ADD3: variants seen among roughly 807,000 people sequenced by gnomAD.
ADD3 encodes the protein adducin 3.
ADD3 carries 25 observed loss-of-function variants against 80.2 expected under a neutral mutation model. That is an observed-to-expected ratio of 0.31 (90% confidence interval 0.23 to 0.44). The LOEUF (loss-of-function observed/expected upper bound fraction) is 0.44, where lower values mean the gene tolerates loss of function less well. ADD3 is among the 20% of genes least tolerant of loss of function. ADD3 has a pLI of 1.00. For synonymous variants in ADD3, 284 were observed against 289.6 expected (o/e 0.98, Z 0.20); for missense variants, 829 against 847.5 (o/e 0.98, Z 0.27).
upstream of ADD3, among the ~76,000 whole-genome samples, chr10:110,004,275 C>T (rs1753334042): frequency 1.3e-5 from 2 of 151,564 alleles, no homozygotes; most frequent in Non-Finnish European, 2.9e-5. Flanking sequence ...TGGCTCACGC[C>T]TGTAATCCCA....
chr10:110,066,065 A>G (rs905827387), intron 1 of ADD3, among the ~76,000 whole-genome samples: 1 of 152,058 alleles, frequency 6.6e-6, no homozygotes, highest in Non-Finnish European at 1.5e-5. Context: ...ACTTAATTTA[A>G]GGGTCTTGAA....
chr10:110,080,345 T>G (rs1404434078), intron 1 of ADD3, among the ~76,000 whole-genome samples: 1 of 152,186 alleles, frequency 6.6e-6, no homozygotes, highest in Non-Finnish European at 1.5e-5. Context: ...TATGTAGTAT[T>G]TTTGTTGGAA....
At chr10:110,039,116 T>G (rs990325373) in intron 1 of ADD3, among the ~76,000 whole-genome samples, 1 of 152,194 alleles carries the variant, frequency 6.6e-6, no homozygotes, top group African/African-American at 2.4e-5. Flanking sequence ...CGACTTATAT[T>G]TAAGCCCACT....
intron 1 of ADD3, among the ~76,000 whole-genome samples, chr10:110,018,728 C>T (rs1245648335): frequency 6.6e-6 from 1 of 152,042 alleles, no homozygotes; most frequent in East Asian, 1.9e-4. Flanking sequence ...TAGTGGTTCA[C>T]AATATCTTGC....
chr10:110,089,805 G>A (rs189925034), intron 1 of ADD3, among the ~76,000 whole-genome samples: 51 of 152,044 alleles, frequency 3.4e-4, no homozygotes, highest in Non-Finnish European at 2.1e-4. Flanking sequence ...TCAAGTTAAT[G>A]TTAGATAATG....
At chr10:110,105,193 A>C (rs1849270717) in intron 2 of ADD3, among the ~76,000 whole-genome samples, 2 of 152,154 alleles carry the variant, frequency 1.3e-5, no homozygotes, top group African/African-American at 2.4e-5. Context: ...AATTTTTTAA[A>C]ATAAAATATT....
At chr10:110,119,147 A>G (rs920218365) in intron 6 of ADD3, 64 bp from the exon 7 acceptor site, 25 of 1,563,710 alleles carry the variant, frequency 1.6e-5, no homozygotes, top group Middle Eastern at 1.7e-4. Context: ...CCAAACAATC[A>G]GGTTCCTATG....
At chr10:110,057,291 C>G (rs1315729268) in intron 1 of ADD3, among the ~76,000 whole-genome samples, 1 of 152,156 alleles carries the variant, frequency 6.6e-6, no homozygotes, top group African/African-American at 2.4e-5. Flanking sequence ...CCTAGTAGTT[C>G]TGGAAAATTC....
intron 1 of ADD3, 117 bp from the exon 2 acceptor site, chr10:110,100,507 CT>C: frequency 5.7e-6 from 3 of 525,496 alleles, no homozygotes; most frequent in Non-Finnish European, 6.4e-6. Context: ...TGAGAAGCTA[CT>C]TTTTAAAGTG....
intron 6 of ADD3, 73 bp from the exon 7 acceptor site, chr10:110,119,138 C>T: frequency 6.5e-7 from 1 of 1,544,582 alleles, no homozygotes. Flanking sequence ...CTGAGCTGAC[C>T]AAACAATCAG....
intron 1 of ADD3, among the ~76,000 whole-genome samples, chr10:110,031,163 A>G (rs1033583063): frequency 1.3e-5 from 2 of 152,178 alleles, no homozygotes; most frequent in Non-Finnish European, 2.9e-5. Flanking sequence ...AGTCCTAGCT[A>G]CTCGGGAGAC....
chr10:110,010,069 T>G (rs1432617846), intron 1 of ADD3, among the ~76,000 whole-genome samples: 1 of 152,230 alleles, frequency 6.6e-6, no homozygotes, highest in African/African-American at 2.4e-5. Flanking sequence ...TATGCTGGCA[T>G]GAATGTGAAT....
intron 1 of ADD3, among the ~76,000 whole-genome samples, chr10:110,082,744 G>A (rs1846217686): frequency 6.6e-6 from 1 of 152,098 alleles, no homozygotes; most frequent in Non-Finnish European, 1.5e-5. Flanking sequence ...TTTAGAAATT[G>A]CTCTTTTTAT....
At position 110,129,130 on chromosome 10, in the gene ADD3, T is replaced by TTTTC. The variant is rs953301699; in HGVS notation, c.1609-1213_1609-1210dup. On this transcript the variant is annotated intron_variant, in intron 12 of 14. Transcript: ENST00000356080. The stretch of plus-strand genomic sequence containing the variant: ...CTGTATTTTGTGTCCCCTAGTTAGT[T>TTTTC]TTTCTTTCTTTCTTTCTTTCTTTTT... Among the ~76,000 whole-genome samples, 326 of 151,654 alleles carry TTTTC rather than the reference T, an allele frequency of 2.1e-3. 1 individual carries two copies. Among genetic ancestry groups the TTTTC allele is most frequent in the Non-Finnish European group, 3.8e-3 (256 of 67,932 alleles).
intron 1 of ADD3, among the ~76,000 whole-genome samples, chr10:110,056,095 T>C (rs1392124297): frequency 6.6e-6 from 1 of 152,226 alleles, no homozygotes; most frequent in Non-Finnish European, 1.5e-5. Flanking sequence ...CAAAGACATC[T>C]GAAATCACAT....
At chr10:110,072,557 G>A (rs1025864985) in intron 1 of ADD3, among the ~76,000 whole-genome samples, 1 of 152,092 alleles carries the variant, frequency 6.6e-6, no homozygotes, top group African/African-American at 2.4e-5. Context: ...GCCTGTAGGA[G>A]GCTTTTCTTT....
intron 1 of ADD3, among the ~76,000 whole-genome samples, chr10:110,061,257 T>C (rs1418169106): frequency 6.6e-6 from 1 of 152,194 alleles, no homozygotes; most frequent in East Asian, 1.9e-4. Context: ...TGCTGATGGC[T>C]TCCTGACAGT....
At chr10:110,076,682 C>T (rs1246269300) in intron 1 of ADD3, among the ~76,000 whole-genome samples, 3 of 152,186 alleles carry the variant, frequency 2.0e-5, no homozygotes, top group Non-Finnish European at 2.9e-5. Context: ...GCTGCTGTTG[C>T]TAAACTTAGA....
At chr10:110,098,757 G>C (rs1454089988) in intron 1 of ADD3, among the ~76,000 whole-genome samples, 4 of 151,982 alleles carry the variant, frequency 2.6e-5, no homozygotes, top group Admixed American at 6.5e-5. Context: ...AGCCTCCCGA[G>C]TAGCTGTGAT....
Sources: allele counts gnomAD v4.1 joint callset (sites outside exome capture counted in the v4.1 genomes callset), GRCh38; gene constraint gnomAD v4.1.1; transcripts MANE v1.5; gene names NCBI Gene and HGNC (gene_info 2026-07-23, HGNC 2026-07-21).